Variants in GALNT2 observed in about 807,000 individuals in gnomAD.
The protein encoded by GALNT2 is polypeptide N-acetylgalactosaminyltransferase 2.
GALNT2 carries 31 observed loss-of-function variants against 81.4 expected under a neutral mutation model. The ratio of observed to expected loss-of-function variants is 0.38; its 90% CI spans 0.29 to 0.51. The LOEUF (loss-of-function observed/expected upper bound fraction) is 0.51. GALNT2 is among the 20% of genes least tolerant of loss of function. GALNT2 has a pLI of 0.87. For synonymous variants in GALNT2, 303 were observed against 287.4 expected, an observed-to-expected ratio of 1.05 and a Z score of -0.55; for missense variants, 629 against 765.7, an observed-to-expected ratio of 0.82 and a Z score of 2.11.
At chr1:230,237,569 C>T (rs1165797869) in intron 6 of GALNT2, among the ~76,000 whole-genome samples, 1 of 152,046 alleles carries the variant, frequency 6.6e-6, no homozygotes, top group Non-Finnish European at 1.5e-5. Context: ...TTTTTCTTAC[C>T]AGGAATCTTA....
intron 3 of GALNT2, among the ~76,000 whole-genome samples, chr1:230,205,478 T>C (rs1664032260): frequency 6.6e-6 from 1 of 152,204 alleles, no homozygotes; most frequent in African/African-American, 2.4e-5. Context: ...AAAGATTGTC[T>C]TTGATTAATG....
In GALNT2 at chr1:230,279,223, C is replaced by T. The variant is rs1016060205; in HGVS notation, c.1561-80C>T. 1.4e-5 allele frequency: 21 copies of T among 1,454,354 alleles called. No individual in the cohort carries two copies. The African/African-American group carries it at 2.4e-4, about 17-fold the overall frequency. The allele number at this position is 1,454,354 out of a possible 1,614,324, so 90.1% of individuals were successfully genotyped here. A position where few individuals can be genotyped will look rare whatever the true frequency, so the allele number is the denominator to read the frequency against. On this transcript the variant is annotated intron_variant, in intron 15 of 15. Coordinates refer to ENST00000366672, the MANE Select transcript of GALNT2 (RefSeq NM_004481.5). This position sits in a 1 kb window ranked among gnomAD's most constrained non-coding sequence, Gnocchi z 4.6. ...TATCTGTGAGTTTTTAATGCAGCCACAAGGTCCTGAATTCACACGAATCTG... is the reference window on the plus strand; with the variant it reads ...TATCTGTGAGTTTTTAATGCAGCCATAAGGTCCTGAATTCACACGAATCTG...
At chr1:230,165,919 C>A (rs1280584851) in intron 1 of GALNT2, among the ~76,000 whole-genome samples, 3 of 152,218 alleles carry the variant, frequency 2.0e-5, no homozygotes, top group Non-Finnish European at 4.4e-5. Flanking sequence ...CACTCAGCTA[C>A]TGTGATCTGA....
At chr1:230,148,195 G>A (rs1392583063) in intron 1 of GALNT2, among the ~76,000 whole-genome samples, 1 of 152,126 alleles carries the variant, frequency 6.6e-6, no homozygotes, top group Non-Finnish European at 1.5e-5. Context: ...TGGACTTTAG[G>A]TGAAGGGCTG....
chr1:230,105,921 C>T lies in GALNT2; in HGVS notation c.126+38515C>T, dbSNP rs567356930. ...ATCTGCCAGTCAGCATGCACACTTT[C>T]ATCTCTCCAGCCTCTTCCCACTCAC... On this transcript the variant is annotated intron_variant, in intron 1 of 15. Coordinates refer to ENST00000366672, the MANE Select transcript of GALNT2 (RefSeq NM_004481.5). Among the ~76,000 whole-genome samples, 19 of 152,338 alleles carry T rather than the reference C, an allele frequency of 1.2e-4. No individual in the cohort carries two copies. The South Asian group carries it at 3.7e-3, about 30-fold the overall frequency.
intron 1 of GALNT2, among the ~76,000 whole-genome samples, chr1:230,078,206 T>C (rs1478618253): frequency 1.3e-5 from 2 of 152,226 alleles, no homozygotes; most frequent in African/African-American, 4.8e-5. Flanking sequence ...TCCTACTTTA[T>C]TAGTGGTTAT....
intron 1 of GALNT2, among the ~76,000 whole-genome samples, chr1:230,058,856 T>C (rs1658979051): frequency 6.6e-6 from 1 of 152,170 alleles, no homozygotes; most frequent in Non-Finnish European, 1.5e-5. Flanking sequence ...ACTGTAGTAC[T>C]TCAAAGTGTC....
At chr1:230,131,101 A>G (rs1248837963) in intron 1 of GALNT2, among the ~76,000 whole-genome samples, 1 of 152,246 alleles carries the variant, frequency 6.6e-6, no homozygotes, top group Non-Finnish European at 1.5e-5. Flanking sequence ...AACAGTATCT[A>G]AAAAGCTAGG....
intron 1 of GALNT2, among the ~76,000 whole-genome samples, chr1:230,127,748 C>T (rs949073208): frequency 6.7e-6 from 1 of 148,970 alleles, no homozygotes; most frequent in Non-Finnish European, 1.5e-5. Flanking sequence ...TAATCCTCCT[C>T]AGTGATACGC....
rs1666161812 is a variant in GALNT2, at chr1:230,271,589, C to T, written c.1441-2856C>T. On this transcript the variant is annotated intron_variant, in intron 14 of 15. Transcript: ENST00000366672. The surrounding 1 kb of genome is among the most constrained non-coding windows in gnomAD (Gnocchi z 4.2). ...CCTGCTGTCTGACTGTAAATCAGGG[C>T]TCCCGCGACCTCGCCTTGAATTCAT... Among the ~76,000 whole-genome samples the T allele has an allele frequency of 6.6e-6, 1 of 152,250 alleles. No individual in the cohort carries two copies. The highest frequency in any genetic ancestry group is 1.5e-5 in the Non-Finnish European group (1 of 68,038).
intron 1 of GALNT2, among the ~76,000 whole-genome samples, chr1:230,128,661 TC>T (rs1348549968): frequency 5.3e-5 from 8 of 152,050 alleles, no homozygotes; most frequent in Non-Finnish European, 1.2e-4. Context: ...TTTCCTTTTT[TC>T]CCCCAAGCTA....
Position 230,236,356 on chromosome 1 carries a change from G to A in GALNT2, c.477G>A (p.Val159=). ...RSALLRTVVS[V]LKKSPPHLIK... is the part of the protein sequence containing the mutation. ...TTATCTTCTTGTCTTTTCTTAGCGT[G>A]CTTAAGAAAAGCCCGCCCCATCTCA... The change falls in exon 5 of 16, where the codon GTG becomes GTA. Residue 159 remains valine (V), a synonymous_variant. Transcript: ENST00000366672. 1 of 1,613,802 alleles carries A rather than the reference G, an allele frequency of 6.2e-7. No individual in the cohort carries two copies.
intron 2 of GALNT2, among the ~76,000 whole-genome samples, chr1:230,198,548 C>T (rs1663782868): frequency 6.6e-6 from 1 of 151,796 alleles, no homozygotes. Context: ...CCTTGTGGGC[C>T]CAGTGCTTCT....
intron 1 of GALNT2, among the ~76,000 whole-genome samples, chr1:230,130,018 C>A (rs954752282): frequency 6.6e-6 from 1 of 152,252 alleles, no homozygotes; most frequent in South Asian, 2.1e-4. Context: ...ATCTGCATGA[C>A]CTCCATGTTC....
intron 1 of GALNT2, among the ~76,000 whole-genome samples, chr1:230,114,264 G>C (rs906442685): frequency 6.6e-6 from 1 of 152,072 alleles, no homozygotes; most frequent in East Asian, 1.9e-4. Context: ...AGGTTTAGTC[G>C]TTCCTTTCTC....
rs1212982225 is a variant in GALNT2, at chr1:230,275,908, A to G, written c.1560+1344A>G. On this transcript the variant is annotated intron_variant, in intron 15 of 15. Coordinates refer to ENST00000366672, the MANE Select transcript of GALNT2 (RefSeq NM_004481.5). This position sits in a 1 kb window ranked among gnomAD's most constrained non-coding sequence, Gnocchi z 5.5. ...ATACATATATAAACACCACATATATACATAGACACCACAGATACATACATA... is the reference window on the plus strand; with the variant it reads ...ATACATATATAAACACCACATATATGCATAGACACCACAGATACATACATA... Among the ~76,000 whole-genome samples the G allele has an allele frequency of 6.6e-6, 1 of 150,804 alleles. No individual in the cohort carries two copies. The highest frequency in any genetic ancestry group is 1.9e-4 in the East Asian group (1 of 5,182).
chr1:230,233,848 T>C (rs1005788793), intron 3 of GALNT2, among the ~76,000 whole-genome samples: 1 of 152,196 alleles, frequency 6.6e-6, no homozygotes, highest in East Asian at 1.9e-4. Context: ...ACTCTCTGCA[T>C]AGGGGAGAGG....
At chr1:230,196,790 T>C (rs984538635) in intron 2 of GALNT2, among the ~76,000 whole-genome samples, 17 of 152,210 alleles carry the variant, frequency 1.1e-4, no homozygotes, top group Admixed American at 1.3e-4. Context: ...TCAATAGCCC[T>C]CTGGGTGATG....
chr1:230,126,074 G>T (rs1177250683), intron 1 of GALNT2, among the ~76,000 whole-genome samples: 1 of 152,256 alleles, frequency 6.6e-6, no homozygotes, highest in African/African-American at 2.4e-5. Context: ...GGAGCGAGGA[G>T]CAGGGAGGCC....
Sources: gnomAD v4.1 joint callset for allele counts (sites outside exome capture counted in the v4.1 genomes callset) on GRCh38, gnomAD v4.1.1 for gene constraint, Gnocchi (gnomAD v3.1) non-coding constraint, MANE v1.5 for transcripts, NCBI Gene and HGNC (gene_info 2026-07-23, HGNC 2026-07-21) for gene names.